Variants in GNAO1 observed in about 807,000 individuals in gnomAD.
GNAO1 encodes guanine nucleotide-binding protein G(o) subunit alpha.
For synonymous variants in GNAO1, 164 were observed against 180.7 expected (o/e 0.91, Z 0.74); for missense variants, 166 against 478.7 (o/e 0.35, Z 6.10).
chr16:56,210,637 G>T (rs998667076), intron 2 of GNAO1, among the ~76,000 whole-genome samples: 1 of 152,186 alleles, frequency 6.6e-6, no homozygotes, highest in Admixed American at 6.5e-5. Flanking sequence ...GTATCTCGTT[G>T]TTAGAGAAAT....
chr16:56,287,978 A>G (rs2037190215), intron 3 of GNAO1, among the ~76,000 whole-genome samples: 1 of 152,238 alleles, frequency 6.6e-6, no homozygotes, highest in Non-Finnish European at 1.5e-5. Context: ...TGGTGCACTC[A>G]GCATAGCATC....
intron 2 of GNAO1, among the ~76,000 whole-genome samples, chr16:56,212,104 C>CAG (rs139104132): frequency 0.14 from 21,260 of 152,024 alleles, 1,974 homozygotes; most frequent in African/African-American, 0.26. Context: ...GAAGTCCTGT[C>CAG]GGGACTACTT....
intron 2 of GNAO1, among the ~76,000 whole-genome samples, chr16:56,199,432 T>C (rs9929434): frequency 0.47 from 71,527 of 151,982 alleles, 17,026 homozygotes; most frequent in East Asian, 0.59. Context: ...TTTCCGTGGC[T>C]TCCAGGATGC....
chr16:56,331,993 C>T (rs1393006325), intron 4 of GNAO1, among the ~76,000 whole-genome samples: 3 of 152,176 alleles, frequency 2.0e-5, no homozygotes, highest in African/African-American at 7.2e-5. Flanking sequence ...TCCTGTATCC[C>T]ACACCGAGGC....
chr16:56,317,518 T>C (rs1412870722), intron 3 of GNAO1, among the ~76,000 whole-genome samples: 2 of 151,702 alleles, frequency 1.3e-5, no homozygotes, highest in Non-Finnish European at 2.9e-5. Flanking sequence ...GGGAGGCGAG[T>C]TGGATCAAAC....
intron 2 of GNAO1, among the ~76,000 whole-genome samples, chr16:56,248,311 A>C (rs1198898104): frequency 6.6e-6 from 1 of 152,250 alleles, no homozygotes; most frequent in Non-Finnish European, 1.5e-5. Context: ...GCCAGAAATG[A>C]AATCAAACTT....
Position 56,351,661 on chromosome 16 carries a change from C to T in GNAO1, c.877+124C>T, listed in dbSNP as rs551243250. On this transcript the variant is annotated intron_variant, in intron 7 of 8. Transcript: ENST00000262493. The surrounding 1 kb of genome is among the most constrained non-coding windows in gnomAD (Gnocchi z 6.1). ...GGCGAGCGGGACCCATTGCAGGAGA[C>T]TGGTGGGGCGCAAAAGAAAAACAGT... The T allele has an allele frequency of 2.8e-6, 2 of 719,432 alleles. No individual in the cohort carries two copies. The highest frequency in any genetic ancestry group is 4.6e-6 in the Non-Finnish European group (2 of 431,300). The allele number at this position is 719,432 out of a possible 1,614,324, so 44.6% of individuals were successfully genotyped here.
intron 2 of GNAO1, among the ~76,000 whole-genome samples, chr16:56,255,873 C>G (rs1206455234): frequency 6.6e-6 from 1 of 152,038 alleles, no homozygotes; most frequent in Non-Finnish European, 1.5e-5. Context: ...TTTTGTCTTC[C>G]AGACCACCAA....
At chr16:56,332,251 C>T (rs929836315) in intron 4 of GNAO1, among the ~76,000 whole-genome samples, 8 of 152,174 alleles carry the variant, frequency 5.3e-5, no homozygotes, top group Non-Finnish European at 1.0e-4. Context: ...CCTGCTTGCC[C>T]CAGCCGGACT....
intron 8 of GNAO1, chr16:56,355,902 C>G (rs1394608085): frequency 6.8e-6 from 1 of 147,336 alleles, no homozygotes; most frequent in Admixed American, 6.7e-5. Flanking sequence ...GGGCCTGACC[C>G]GAGTCAGGGT....
intron 2 of GNAO1, among the ~76,000 whole-genome samples, chr16:56,220,194 C>T (rs2036471093): frequency 1.3e-5 from 2 of 152,144 alleles, no homozygotes; most frequent in African/African-American, 2.4e-5. Flanking sequence ...GGACAAGGCT[C>T]CTGAGTCCTA....
At chr16:56,198,032 G>C (rs1252400466) in intron 2 of GNAO1, among the ~76,000 whole-genome samples, 1 of 151,996 alleles carries the variant, frequency 6.6e-6, no homozygotes, top group Non-Finnish European at 1.5e-5. Flanking sequence ...CTGGTGAAGG[G>C]GTGATTCCAA....
intron 6 of GNAO1, chr16:56,348,043 C>T (rs1376845218): frequency 1.0e-6 from 1 of 977,208 alleles, no homozygotes; most frequent in Non-Finnish European, 1.2e-6. Context: ...GGTCCCACCT[C>T]CCAACCCCAT....
At position 56,351,666 on chromosome 16, in the gene GNAO1, G is replaced by T; in HGVS notation, c.877+129G>T. The T allele has an allele frequency of 2.9e-6, 2 of 701,518 alleles. No homozygotes were observed. The highest frequency in any genetic ancestry group is 4.8e-6 in the Non-Finnish European group (2 of 417,702). The allele number at this position is 701,518 out of a possible 1,614,324, so 43.5% of individuals were successfully genotyped here. A position where few individuals can be genotyped will look rare whatever the true frequency, so the allele number is the denominator to read the frequency against. On this transcript the variant is annotated intron_variant, in intron 7 of 8. Transcript: ENST00000262493. The surrounding 1 kb of genome is among the most constrained non-coding windows in gnomAD (Gnocchi z 6.1). ...GCGGGACCCATTGCAGGAGACTGGT[G>T]GGGCGCAAAAGAAAAACAGTGCTGT... is the stretch of plus-strand genomic sequence containing the variant.
At chr16:56,195,326 G>T (rs1362876562) in intron 2 of GNAO1, among the ~76,000 whole-genome samples, 1 of 152,150 alleles carries the variant, frequency 6.6e-6, no homozygotes. Context: ...CTTCCAGCTT[G>T]GCTTGAAATA....
chr16:56,275,819 A>G (rs1431479164), intron 2 of GNAO1, 112 bp from the exon 3 acceptor site: 18 of 774,406 alleles, frequency 2.3e-5, no homozygotes, highest in Middle Eastern at 3.6e-4. Flanking sequence ...TCAGTAACTC[A>G]GCATCTCGGC....
chr16:56,222,386 A>T (rs1310820060), intron 2 of GNAO1, among the ~76,000 whole-genome samples: 1 of 152,156 alleles, frequency 6.6e-6, no homozygotes, highest in South Asian at 2.1e-4. Context: ...ATTGTAGAAC[A>T]CTAGGAGGTA....
At chr16:56,346,973 C>G in intron 6 of GNAO1, 1 of 985,440 alleles carries the variant, frequency 1.0e-6, no homozygotes, top group Non-Finnish European at 1.2e-6. Context: ...ACCTAACACT[C>G]TACAGTTAGC....
chr16:56,251,783 C>T (rs2036801882), intron 2 of GNAO1, among the ~76,000 whole-genome samples: 1 of 152,124 alleles, frequency 6.6e-6, no homozygotes, highest in Non-Finnish European at 1.5e-5. Flanking sequence ...ATTTTGGTAC[C>T]TGGTGAGAGG....
Sources: allele counts gnomAD v4.1 joint callset (sites outside exome capture counted in the v4.1 genomes callset), GRCh38; gene constraint gnomAD v4.1.1; non-coding constraint Gnocchi (gnomAD v3.1); transcripts MANE v1.5; gene names NCBI Gene and HGNC (gene_info 2026-07-23, HGNC 2026-07-21).